Variants in MYO16 observed in about 807,000 individuals in gnomAD.
MYO16 encodes the protein myosin XVI.
Under a neutral mutation model 205.3 loss-of-function variants are expected in MYO16, and 94 were observed. The ratio of observed to expected loss-of-function variants is 0.46; its 90% confidence interval spans 0.39 to 0.54. MYO16 has a LOEUF of 0.54. MYO16 is among the 20% of genes least tolerant of loss of function. The pLI is 0.00. For synonymous variants in MYO16, 988 were observed against 954.0 expected (o/e 1.04, Z -0.66); for missense variants, 2,315 against 2,387.5 (o/e 0.97, Z 0.63).
At chr13:108,722,613 A>G (rs1884205141) in intron 3 of MYO16, among the ~76,000 whole-genome samples, 1 of 152,146 alleles carries the variant, frequency 6.6e-6, no homozygotes, top group Admixed American at 6.6e-5. Context: ...CAGGTCGAGG[A>G]TATCTTGACA....
intron 23 of MYO16, among the ~76,000 whole-genome samples, chr13:109,036,200 A>G (rs528579212): frequency 8.1e-4 from 123 of 152,338 alleles, no homozygotes; most frequent in Admixed American, 1.8e-3. Context: ...CAGTTCAGGG[A>G]ATTAAAATCC....
chr13:109,064,050 A>G (rs1594513833), intron 27 of MYO16, among the ~76,000 whole-genome samples: 1 of 152,322 alleles, frequency 6.6e-6, no homozygotes, highest in South Asian at 2.1e-4. Flanking sequence ...ATTCATTTCA[A>G]CCACCAGACC....
intron 6 of MYO16, among the ~76,000 whole-genome samples, chr13:108,803,805 A>G (rs748066643): frequency 2.6e-5 from 4 of 152,184 alleles, no homozygotes; most frequent in Non-Finnish European, 4.4e-5. Context: ...GCACTGATGG[A>G]GAGCCATGGG....
At chr13:108,641,759 C>G (rs7997489) in intron 1 of MYO16, among the ~76,000 whole-genome samples, 3,403 of 152,300 alleles carry the variant, frequency 0.022, 126 homozygotes, top group African/African-American at 0.077. Flanking sequence ...CTTTTCCATT[C>G]TTAGGGAATC....
intron 4 of MYO16, among the ~76,000 whole-genome samples, chr13:108,767,198 G>T (rs1198334353): frequency 6.6e-6 from 1 of 152,100 alleles, no homozygotes; most frequent in Non-Finnish European, 1.5e-5. Context: ...CGCCTCCCGG[G>T]TTCACGCCAT....
intron 4 of MYO16, among the ~76,000 whole-genome samples, chr13:108,780,504 GTC>G (rs779264401): frequency 1.3e-5 from 2 of 151,892 alleles, no homozygotes; most frequent in African/African-American, 2.4e-5. Flanking sequence ...GAAAGAAGGA[GTC>G]TCTCACAAAT....
chr13:108,800,741 G>A (rs1453873564), intron 6 of MYO16, among the ~76,000 whole-genome samples: 2 of 152,058 alleles, frequency 1.3e-5, no homozygotes, highest in Non-Finnish European at 2.9e-5. Flanking sequence ...TTAAAATATA[G>A]CATTAGCCTC....
the MYO16 span, among the ~76,000 whole-genome samples, chr13:108,531,326 G>C: frequency 6.6e-6 from 1 of 152,234 alleles, no homozygotes; most frequent in Admixed American, 6.5e-5. Flanking sequence ...GGAGGAGGAA[G>C]AACATCGGGA....
At chr13:109,011,498 C>T (rs117113839) in intron 22 of MYO16, among the ~76,000 whole-genome samples, 27 of 129,862 alleles carry the variant, frequency 2.1e-4, no homozygotes, top group Middle Eastern at 4.1e-3. Flanking sequence ...TTCTTCCTTT[C>T]TTTTTTTTTT....
chr13:108,874,599 A>G (rs900969287), intron 12 of MYO16, among the ~76,000 whole-genome samples: 2 of 151,928 alleles, frequency 1.3e-5, no homozygotes, highest in Admixed American at 1.3e-4. Flanking sequence ...CAGAGCTAGC[A>G]TTAAAGTCCA....
chr13:108,855,400 T>G (rs1477955218), intron 10 of MYO16, 43 bp from the exon 11 acceptor site: 1 of 1,240,004 alleles, frequency 8.1e-7, no homozygotes, highest in African/African-American at 1.5e-5. Context: ...GAAAGTTGAT[T>G]GGAAAGCAAT....
chr13:109,064,362 GA>G (rs1002493635), intron 27 of MYO16, among the ~76,000 whole-genome samples: 28 of 152,180 alleles, frequency 1.8e-4, no homozygotes, highest in African/African-American at 6.5e-4. Flanking sequence ...GCAACTGAAG[GA>G]AAAAGTCTGA....
At chr13:108,732,002 C>A (rs989947609) in intron 4 of MYO16, among the ~76,000 whole-genome samples, 2 of 152,146 alleles carry the variant, frequency 1.3e-5, no homozygotes, top group Non-Finnish European at 2.9e-5. Context: ...GCCTAAGTAT[C>A]CATCCACAGA....
chr13:108,549,579 G>A, the MYO16 span, among the ~76,000 whole-genome samples: 1 of 152,168 alleles, frequency 6.6e-6, no homozygotes, highest in East Asian at 1.9e-4. Flanking sequence ...AATACCTAAT[G>A]TGTAAGTAAA....
At chr13:109,183,055 T>C (rs1879523417) in intron 34 of MYO16, among the ~76,000 whole-genome samples, 1 of 152,222 alleles carries the variant, frequency 6.6e-6, no homozygotes, top group African/African-American at 2.4e-5. Flanking sequence ...TAGAATTTCG[T>C]AGGTTATAGT....
the MYO16 span, among the ~76,000 whole-genome samples, chr13:108,528,183 A>G: frequency 1.2e-4 from 18 of 152,168 alleles, no homozygotes; most frequent in Admixed American, 2.6e-4. Flanking sequence ...CTTCATGAAA[A>G]CAGATTAGCA....
chr13:108,828,518 G>A (rs1376392039), intron 9 of MYO16, among the ~76,000 whole-genome samples: 1 of 152,104 alleles, frequency 6.6e-6, no homozygotes, highest in Non-Finnish European at 1.5e-5. Flanking sequence ...TTCTGGGTGG[G>A]AACCAAATCC....
chr13:108,870,623 T>A (rs1879004341), intron 12 of MYO16, among the ~76,000 whole-genome samples: 1 of 77,384 alleles, frequency 1.3e-5, no homozygotes, highest in African/African-American at 4.7e-5. Context: ...TTTTAAAAAA[T>A]TATGTTATAT....
chr13:109,131,833 C>T (rs909655513), intron 31 of MYO16, among the ~76,000 whole-genome samples: 8 of 152,128 alleles, frequency 5.3e-5, no homozygotes, highest in African/African-American at 9.7e-5. Context: ...CTCCCAAAGA[C>T]GGTTAACATT....
Sources: allele counts gnomAD v4.1 joint callset (sites outside exome capture counted in the v4.1 genomes callset), GRCh38; gene constraint gnomAD v4.1.1; transcripts MANE v1.5; gene names NCBI Gene and HGNC (gene_info 2026-07-23, HGNC 2026-07-21).